The following WWOX variants were observed in gnomAD, a reference collection of about 807,000 sequenced individuals.
WWOX encodes the protein WW domain-containing oxidoreductase.
Under a neutral mutation model 46.2 loss-of-function variants are expected in WWOX, and 69 were observed. The observed-to-expected ratio is 1.49, with a 90% CI of 1.23 to 1.82. The LOEUF is 1.82. Ranked by LOEUF, WWOX falls within the 40% of genes most tolerant of loss-of-function variation. WWOX has a pLI of 0.00. For synonymous variants in WWOX, 359 were observed against 202.6 expected, an observed-to-expected ratio of 1.77 and a Z score of -6.56; for missense variants, 919 against 542.6, an observed-to-expected ratio of 1.69 and a Z score of -6.89.
At chr16:78,483,061 A>C (rs1191006201) in intron 8 of WWOX, among the ~76,000 whole-genome samples, 1 of 152,192 alleles carries the variant, frequency 6.6e-6, no homozygotes, top group Non-Finnish European at 1.5e-5. Context: ...GGCCTCTTCA[A>C]CCTACCTTTT....
chr16:79,175,298 A>G (rs1248846673), intron 8 of WWOX, among the ~76,000 whole-genome samples: 2 of 152,246 alleles, frequency 1.3e-5, no homozygotes, highest in Non-Finnish European at 2.9e-5. Context: ...AACATAAGAA[A>G]GCCTATATAC....
chr16:78,622,062 G>A (rs2046202858), intron 8 of WWOX, among the ~76,000 whole-genome samples: 1 of 152,188 alleles, frequency 6.6e-6, no homozygotes, highest in Non-Finnish European at 1.5e-5. Flanking sequence ...AAGTTTAACT[G>A]TGCATTCTAA....
At chr16:78,232,783 A>G (rs1332707204) in intron 5 of WWOX, among the ~76,000 whole-genome samples, 2 of 152,174 alleles carry the variant, frequency 1.3e-5, no homozygotes, top group Non-Finnish European at 2.9e-5. Flanking sequence ...TTACTGGTCT[A>G]TTATTTATCA....
At chr16:79,059,258 A>G (rs1475462132) in intron 8 of WWOX, among the ~76,000 whole-genome samples, 5 of 152,224 alleles carry the variant, frequency 3.3e-5, no homozygotes, top group Admixed American at 6.5e-5. Flanking sequence ...CTGTTTAACC[A>G]TAAAATACAG....
intron 8 of WWOX, among the ~76,000 whole-genome samples, chr16:79,089,552 G>A (rs1567542262): frequency 1.3e-5 from 2 of 152,008 alleles, no homozygotes; most frequent in African/African-American, 4.8e-5. Flanking sequence ...GGGTGGTCTC[G>A]AACTCCTGAC....
At chr16:78,125,448 A>G (rs1227588585) in intron 4 of WWOX, among the ~76,000 whole-genome samples, 2 of 152,126 alleles carry the variant, frequency 1.3e-5, no homozygotes, top group African/African-American at 4.8e-5. Flanking sequence ...TTTGGAATCA[A>G]CCAATTTATT....
intron 8 of WWOX, among the ~76,000 whole-genome samples, chr16:79,022,209 G>C (rs1389016806): frequency 1.3e-5 from 2 of 152,160 alleles, no homozygotes; most frequent in Non-Finnish European, 2.9e-5. Context: ...TGGGGATGGA[G>C]CTTTAGGCTG....
intron 5 of WWOX, among the ~76,000 whole-genome samples, chr16:78,194,210 G>A (rs568447902): frequency 7.2e-5 from 11 of 152,018 alleles, no homozygotes; most frequent in African/African-American, 2.4e-4. Context: ...TTGGAGTCAG[G>A]GTGTTTGTTA....
At chr16:78,572,593 ACT>A (rs1194742817) in intron 8 of WWOX, among the ~76,000 whole-genome samples, 2 of 115,348 alleles carry the variant, frequency 1.7e-5, no homozygotes, top group Non-Finnish European at 3.3e-5. Context: ...ACAGAGTAAG[ACT>A]CTGTCTCAAA....
chr16:78,524,213 A>G (rs954894469), intron 8 of WWOX, among the ~76,000 whole-genome samples: 2 of 152,118 alleles, frequency 1.3e-5, no homozygotes, highest in African/African-American at 4.8e-5. Flanking sequence ...AGGTACTGCT[A>G]TTGTTAGTTT....
At chr16:78,451,658 C>T (rs978561954) in intron 8 of WWOX, among the ~76,000 whole-genome samples, 2 of 152,164 alleles carry the variant, frequency 1.3e-5, no homozygotes, top group Non-Finnish European at 2.9e-5. Context: ...GTGTGCAGGA[C>T]ACAGCTGAAA....
intron 7 of WWOX, among the ~76,000 whole-genome samples, chr16:78,429,290 G>A (rs2083161830): frequency 6.6e-6 from 1 of 152,218 alleles, no homozygotes; most frequent in African/African-American, 2.4e-5. Context: ...AGTAATGTCA[G>A]TGAACACTAG....
intron 8 of WWOX, among the ~76,000 whole-genome samples, chr16:78,509,675 C>T (rs2085309449): frequency 6.6e-6 from 1 of 152,086 alleles, no homozygotes; most frequent in Non-Finnish European, 1.5e-5. Flanking sequence ...CGGAAACAGG[C>T]AAAAACTACT....
Position 78,493,899 on chromosome 16 carries a change from C to G in WWOX, c.1056+61147C>G, listed in dbSNP as rs142448872. On this transcript the variant is annotated intron_variant, in intron 8 of 8. Transcript: ENST00000566780. The stretch of plus-strand genomic sequence containing the variant: ...TTGGATAGATGAATGGTAATACTTC[C>G]CTACTAGGTAGAGCAATGATTCCAG... 3.1e-3 allele frequency among the ~76,000 whole-genome samples: 468 copies of G among 152,282 alleles called. 3 individuals carry two copies. Among genetic ancestry groups the G allele is most frequent in the African/African-American group, 0.01 (423 of 41,558 alleles).
At chr16:78,404,202 G>T (rs1306995343) in intron 6 of WWOX, among the ~76,000 whole-genome samples, 1 of 152,162 alleles carries the variant, frequency 6.6e-6, no homozygotes, top group Non-Finnish European at 1.5e-5. Flanking sequence ...AGTACTGATT[G>T]TATGCAGTGT....
intron 5 of WWOX, among the ~76,000 whole-genome samples, chr16:78,334,855 C>G (rs13336182): frequency 0.072 from 10,520 of 145,158 alleles, 1,134 homozygotes; most frequent in African/African-American, 0.24. Context: ...CACACACACA[C>G]AAAATCACCA....
chr16:79,057,593 C>T (rs2048286790), intron 8 of WWOX, among the ~76,000 whole-genome samples: 1 of 150,550 alleles, frequency 6.6e-6, no homozygotes, highest in Non-Finnish European at 1.5e-5. Flanking sequence ...TTGGGGGGGG[C>T]ACCAGTGTGA....
intron 8 of WWOX, among the ~76,000 whole-genome samples, chr16:78,662,636 A>G (rs1038561236): frequency 1.3e-5 from 2 of 152,204 alleles, no homozygotes; most frequent in Non-Finnish European, 2.9e-5. Flanking sequence ...AAAACATAAA[A>G]CAACATACAT....
intron 4 of WWOX, chr16:78,118,932 C>G (rs544383503): frequency 6.6e-6 from 1 of 152,168 alleles, no homozygotes; most frequent in African/African-American, 2.4e-5. Flanking sequence ...ACACTCTTCT[C>G]TCCTTGACCT....
Sources: allele counts gnomAD v4.1 joint callset (sites outside exome capture counted in the v4.1 genomes callset), GRCh38; gene constraint gnomAD v4.1.1; transcripts MANE v1.5; gene names NCBI Gene and HGNC (gene_info 2026-07-23, HGNC 2026-07-21).